PHC2: variants seen among roughly 807,000 people sequenced by gnomAD.
The protein encoded by PHC2 is polyhomeotic homolog 2, also known as polyhomeotic-like protein 2.
PHC2 carries 29 observed loss-of-function variants against 87.4 expected under a neutral mutation model. That is an observed-to-expected ratio of 0.33 (90% CI 0.25 to 0.45). The LOEUF (loss-of-function observed/expected upper bound fraction) is 0.45, where lower values mean the gene tolerates loss of function less well. Ranked by LOEUF, PHC2 falls within the 20% of genes least tolerant of loss-of-function variation. The pLI, the probability that PHC2 is intolerant of heterozygous loss-of-function variation, is 1.00. For missense variants in PHC2, 857 were observed against 1,136.7 expected (o/e 0.75, Z 3.54); for synonymous variants, 438 against 461.7 (o/e 0.95, Z 0.66).
chr1:33,427,128 C>A (rs922973287), intron 1 of PHC2, among the ~76,000 whole-genome samples: 2 of 152,172 alleles, frequency 1.3e-5, no homozygotes, highest in African/African-American at 4.8e-5. Flanking sequence ...TGACCTCTGG[C>A]AATTTACTTA....
chr1:33,372,274 C>T lies in PHC2; in HGVS notation c.333+15G>A. 1 of 1,517,936 alleles carries T rather than the reference C, an allele frequency of 6.6e-7. No individual in the cohort carries two copies. The highest frequency in any genetic ancestry group is 8.9e-7 in the Non-Finnish European group (1 of 1,125,792). The allele number at this position is 1,517,936 out of a possible 1,614,324, so 94.0% of individuals were successfully genotyped here. ...GATGCCTGGCACCAGCCTCAAGGTC[C>T]TTCCCAAGTCTCACCTGCTGTACGG... On this transcript the variant is annotated intron_variant, in intron 3 of 14. Coordinates refer to ENST00000683057, the MANE Select transcript of PHC2 (RefSeq NM_001385109.1).
intron 2 of PHC2, among the ~76,000 whole-genome samples, chr1:33,375,084 G>C (rs1392253491): frequency 1.3e-5 from 2 of 152,188 alleles, no homozygotes; most frequent in Non-Finnish European, 2.9e-5. Flanking sequence ...TAGAGAGTGG[G>C]TCTGGGTTGT....
At chr1:33,378,169 A>G (rs982207008) in intron 1 of PHC2, among the ~76,000 whole-genome samples, 1 of 152,236 alleles carries the variant, frequency 6.6e-6, no homozygotes, top group Non-Finnish European at 1.5e-5. Flanking sequence ...GAATCAATGA[A>G]GCAGCAAAGT....
chr1:33,359,698 C>T (rs750023909), intron 7 of PHC2, among the ~76,000 whole-genome samples: 12 of 152,130 alleles, frequency 7.9e-5, no homozygotes, highest in African/African-American at 2.4e-4. Context: ...ATTGAGAACA[C>T]GGAAAAGGGG....
At chr1:33,427,941 CT>C (rs1332931607) in intron 1 of PHC2, among the ~76,000 whole-genome samples, 1 of 152,224 alleles carries the variant, frequency 6.6e-6, no homozygotes, top group African/African-American at 2.4e-5. Context: ...CCTTCATCCT[CT>C]ATTCTATTTC....
At chr1:33,354,752 C>G in intron 8 of PHC2, 86 bp downstream of exon 8, 1 of 1,476,924 alleles carries the variant, frequency 6.8e-7, no homozygotes, top group Middle Eastern at 2.2e-4. Flanking sequence ...TCAGCCTACC[C>G]AGAAGCACCT....
At chr1:33,344,861 G>A (rs780232504) in intron 9 of PHC2, among the ~76,000 whole-genome samples, 22 of 151,778 alleles carry the variant, frequency 1.4e-4, no homozygotes, top group Non-Finnish European at 3.1e-4. Context: ...CTCCTGCCTC[G>A]GCCCCCCAGG....
intron 9 of PHC2, chr1:33,353,230 C>T (rs1285092066): frequency 6.6e-6 from 1 of 152,172 alleles, no homozygotes; most frequent in Non-Finnish European, 1.5e-5. Context: ...TGGAGATTTT[C>T]TCTTTTTTAA....
chr1:33,380,691 T>C (rs192486822), intron 1 of PHC2, among the ~76,000 whole-genome samples: 1 of 152,302 alleles, frequency 6.6e-6, no homozygotes, highest in Non-Finnish European at 1.5e-5. Flanking sequence ...AACCTAGCAG[T>C]GAAATCTCTG....
At chr1:33,397,804 A>T (rs1649356144) in intron 1 of PHC2, among the ~76,000 whole-genome samples, 1 of 152,154 alleles carries the variant, frequency 6.6e-6, no homozygotes, top group African/African-American at 2.4e-5. Flanking sequence ...GATGCGACAA[A>T]GGAAAATACC....
At chr1:33,411,472 T>A (rs561610450) in intron 1 of PHC2, among the ~76,000 whole-genome samples, 1 of 152,160 alleles carries the variant, frequency 6.6e-6, no homozygotes, top group Non-Finnish European at 1.5e-5. Context: ...GTTGTTGTTG[T>A]TATATTAAGG....
intron 9 of PHC2, among the ~76,000 whole-genome samples, chr1:33,339,969 A>G (rs927149163): frequency 6.6e-6 from 1 of 152,200 alleles, no homozygotes; most frequent in Non-Finnish European, 1.5e-5. Flanking sequence ...AATCTGTACT[A>G]ACATCTGCAA....
intron 9 of PHC2, among the ~76,000 whole-genome samples, chr1:33,341,121 G>T (rs1454085600): frequency 1.3e-5 from 2 of 152,318 alleles, no homozygotes; most frequent in East Asian, 3.9e-4. Flanking sequence ...TGCTGGGCAA[G>T]TTACTCTAGG....
rs1472439397 is a variant in PHC2, at chr1:33,370,319, C to T, written c.576+102G>A. The T allele has an allele frequency of 6.0e-6, 7 of 1,169,232 alleles. No individual in the cohort carries two copies. In the South Asian group the frequency reaches 1.0e-4, roughly 17 times the overall value. 72.4% of individuals were successfully genotyped at this position (1,169,232 alleles called of 1,614,324 possible). On this transcript the variant is annotated intron_variant, in intron 5 of 14. Transcript: ENST00000683057. ...CCACCCCTTATCTCCTGCCCCTGCC[C>T]CTAGTGCTTCCTCCCCACCCTTCTC...
At chr1:33,417,358 A>T (rs1650254148) in intron 1 of PHC2, among the ~76,000 whole-genome samples, 1 of 152,174 alleles carries the variant, frequency 6.6e-6, no homozygotes. Flanking sequence ...TTTATATTGG[A>T]TTAAAAACCA....
chr1:33,426,785 CA>C (rs1454068291), intron 1 of PHC2, among the ~76,000 whole-genome samples: 1 of 152,164 alleles, frequency 6.6e-6, no homozygotes, highest in Non-Finnish European at 1.5e-5. Context: ...GGCCACAGCA[CA>C]AAATGCTTTC....
intron 14 of PHC2, 110 bp downstream of exon 14, chr1:33,328,760 C>T: frequency 9.2e-7 from 1 of 1,091,650 alleles, no homozygotes; most frequent in South Asian, 1.5e-5. Flanking sequence ...ACCCCAGTTC[C>T]TGAACCTGAG....
chr1:33,356,267 A>ATATATATATATC lies in PHC2; in HGVS notation c.977-1015_977-1014insGATATATATATA, dbSNP rs1553185656. ...AAAATTCTTATATATATATATATAT[A>ATATATATATATC]TATATATATGTATATATATATATAT... On this transcript the variant is annotated intron_variant, in intron 7 of 14. Transcript: ENST00000683057. Among the ~76,000 whole-genome samples, 5 of 92,794 alleles carry ATATATATATATC rather than the reference A, an allele frequency of 5.4e-5. No homozygotes were observed. In the East Asian group the frequency reaches 1.3e-3, roughly 24 times the overall value. 60.9% of individuals were successfully genotyped at this position (92,794 alleles called of 152,430 possible).
At chr1:33,401,888 A>G (rs1649547752) in intron 1 of PHC2, among the ~76,000 whole-genome samples, 1 of 152,240 alleles carries the variant, frequency 6.6e-6, no homozygotes, top group Non-Finnish European at 1.5e-5. Flanking sequence ...GGAATAGACA[A>G]AAATACAAGA....
Sources: allele counts gnomAD v4.1 joint callset (sites outside exome capture counted in the v4.1 genomes callset), GRCh38; gene constraint gnomAD v4.1.1; transcripts MANE v1.5; gene names NCBI Gene and HGNC (gene_info 2026-07-23, HGNC 2026-07-21).